The following CIDEC variants were observed in gnomAD, a reference collection of about 807,000 sequenced individuals.
CIDEC encodes lipid transferase CIDEC.
Under a neutral mutation model 21.9 loss-of-function variants are expected in CIDEC, and 11 were observed. That is an observed-to-expected ratio of 0.50 (90% CI 0.32 to 0.83). CIDEC has a LOEUF of 0.83. Ranked by LOEUF, CIDEC falls within the 40% of genes least tolerant of loss-of-function variation. The probability of loss-of-function intolerance (pLI) is 0.04; values close to 1 mark genes in which losing one functional copy is unlikely to be tolerated. For synonymous variants in CIDEC, 127 were observed against 124.9 expected, an observed-to-expected ratio of 1.02 and a Z score of -0.11; for missense variants, 302 against 302.3, an observed-to-expected ratio of 1.00 and a Z score of 0.01.
At chr3:9,872,913 C>T (rs111300082) in intron 4 of CIDEC, among the ~76,000 whole-genome samples, 1 of 152,058 alleles carries the variant, frequency 6.6e-6, no homozygotes, top group African/African-American at 2.4e-5. Context: ...TGCTTGAGCC[C>T]GCAAGGCAGA....
chr3:9,874,056 C>T (rs938821717), intron 4 of CIDEC, among the ~76,000 whole-genome samples: 1 of 152,004 alleles, frequency 6.6e-6, no homozygotes, highest in Non-Finnish European at 1.5e-5. Flanking sequence ...ACAAGATGAG[C>T]CTGTAATACC....
intron 4 of CIDEC, 119 bp downstream of exon 4, chr3:9,876,947 A>G (rs2082431916): frequency 4.9e-6 from 4 of 815,126 alleles, no homozygotes; most frequent in Non-Finnish European, 8.3e-6. Flanking sequence ...GGTGGGCATT[A>G]CCATCTGTAG....
At chr3:9,867,360 C>A in intron 6 of CIDEC, 64 bp from the exon 7 acceptor site, 5 of 1,570,918 alleles carry the variant, frequency 3.2e-6, no homozygotes, top group Non-Finnish European at 4.3e-6. Context: ...GCGTTCACGC[C>A]TGTAATCCTA....
intron 4 of CIDEC, among the ~76,000 whole-genome samples, chr3:9,876,618 G>A (rs533422469): frequency 1.3e-5 from 2 of 152,170 alleles, no homozygotes; most frequent in African/African-American, 4.8e-5. Flanking sequence ...TTAGCTGGGT[G>A]TGGTGGTGTG....
intron 2 of CIDEC, 113 bp from the exon 3 acceptor site, chr3:9,878,624 T>C (rs2082462499): frequency 8.0e-7 from 1 of 1,251,366 alleles, no homozygotes; most frequent in Non-Finnish European, 1.1e-6. Flanking sequence ...TCCCTATTCT[T>C]CTATCCCAAC....
In CIDEC at chr3:9,877,174, C is replaced by T. The variant is rs1271361642; in HGVS notation, c.99G>A (p.Ser33=). Residue 33 remains serine (S), a synonymous_variant, in exon 4 of 7, where the codon TCG becomes TCA. Coordinates refer to ENST00000336832, the MANE Select transcript of CIDEC (RefSeq NM_001321142.2). The part of the protein sequence containing the change: ...RTSVVTQQLL[S]EPSPKAPRAR... The stretch of plus-strand genomic sequence containing the variant: ...CCCTGGGGGCCTTGGGGCTGGGCTC[C>T]GACAGCAGCTGCTGGGTCACCACAG... 7.7e-6 allele frequency: 12 copies of T among 1,551,082 alleles called. No homozygotes were observed. In the Admixed American group the frequency reaches 9.8e-5, roughly 13 times the overall value.
chr3:9,877,518 G>C (rs984400612), intron 3 of CIDEC, among the ~76,000 whole-genome samples: 1 of 152,168 alleles, frequency 6.6e-6, no homozygotes, highest in African/African-American at 2.4e-5. Flanking sequence ...AGATTAGCCA[G>C]TGTGGTGGCA....
In CIDEC at chr3:9,867,097, G is replaced by A; in HGVS notation, c.*37C>T. The A allele has an allele frequency of 1.9e-6, 3 of 1,604,808 alleles. No individual in the cohort carries two copies. Among genetic ancestry groups the A allele is most frequent in the Non-Finnish European group, 1.7e-6 (2 of 1,173,066 alleles). On this transcript the variant is annotated 3_prime_UTR_variant, in exon 7 of 7. Transcript: ENST00000336832. The stretch of plus-strand genomic sequence containing the variant: ...CAGTTAAGCGTGAGGCCCCCAGTCA[G>A]TCCTTCACTGGGGAAAGCTTCCAAG...
intron 4 of CIDEC, among the ~76,000 whole-genome samples, chr3:9,873,330 G>A (rs1327773907): frequency 2.6e-5 from 4 of 152,196 alleles, no homozygotes; most frequent in Non-Finnish European, 4.4e-5. Flanking sequence ...ATGTCATGAC[G>A]GCCGGGTGCA....
intron 6 of CIDEC, among the ~76,000 whole-genome samples, 180 bp downstream of exon 6, chr3:9,869,702 C>T (rs565255157): frequency 1.7e-4 from 26 of 152,212 alleles, no homozygotes; most frequent in Non-Finnish European, 2.6e-4. Context: ...CCTGGGCACA[C>T]GCCGGTGTCG....
At chr3:9,872,800 C>T (rs2125046564) in intron 4 of CIDEC, among the ~76,000 whole-genome samples, 1 of 152,104 alleles carries the variant, frequency 6.6e-6, no homozygotes, top group East Asian at 1.9e-4. Flanking sequence ...CCAGCCTAGC[C>T]AACATGGTGA....
chr3:9,877,700 G>A (rs2082446605), intron 3 of CIDEC, among the ~76,000 whole-genome samples: 2 of 152,126 alleles, frequency 1.3e-5, no homozygotes, highest in African/African-American at 2.4e-5. Flanking sequence ...AAGCCTGCTA[G>A]AGCAGTGCAT....
rs775474059 is a variant in CIDEC, at chr3:9,878,467, G to A, written c.20C>T (p.Ser7Phe). 2 of 1,614,024 alleles carry A rather than the reference G, an allele frequency of 1.2e-6. No homozygotes were observed. The highest frequency in any genetic ancestry group is 1.7e-6 in the Non-Finnish European group (2 of 1,179,900). The change falls in exon 3 of 7, where the codon TCC becomes TTC. Residue 7 changes from serine to phenylalanine, a missense_variant. Physicochemically the swap from Ser to Phe is radical, Grantham distance 155. Coordinates refer to ENST00000336832, the MANE Select transcript of CIDEC (RefSeq NM_001321142.2). The stretch of plus-strand genomic sequence containing the variant: ...GGACTTGGGGTAGAGAAGGCTAAGG[G>A]ACTTCATGGCGTATTCCATCCTTGT... Reference protein sequence around the residue: MEYAMKSLSLLYPKSLS... With the variant: MEYAMKFLSLLYPKSLS...
chr3:9,878,402 T>C, intron 3 of CIDEC, 32 bp downstream of exon 3: 5 of 1,528,202 alleles, frequency 3.3e-6, no homozygotes, highest in East Asian at 4.5e-5. Context: ...CATAGGTGGC[T>C]CTCTTTCCAT....
At chr3:9,877,983 A>G (rs989101710) in intron 3 of CIDEC, 1 of 176,306 alleles carries the variant, frequency 5.7e-6, no homozygotes, top group African/African-American at 2.4e-5. Flanking sequence ...GTATTTTTTT[A>G]ACTGAAGCAC....
Position 9,870,413 on chromosome 3 carries a change from G to A in CIDEC, c.208-91C>T, listed in dbSNP as rs73118319. The A allele has an allele frequency of 6.8e-3, 10,766 of 1,588,442 alleles. 313 individuals carry two copies. Among genetic ancestry groups the A allele is most frequent in the South Asian group, 0.06 (5,431 of 89,876 alleles). ...AACTGGAGCCCAGGCCCTCTGCTGTGGAATCACTACCCAGAGACTTTATCA... is the reference window on the plus strand; with the variant it reads ...AACTGGAGCCCAGGCCCTCTGCTGTAGAATCACTACCCAGAGACTTTATCA... On this transcript the variant is annotated intron_variant, in intron 4 of 6. Coordinates refer to ENST00000336832, the MANE Select transcript of CIDEC (RefSeq NM_001321142.2).
Position 9,867,124 on chromosome 3 carries a change from A to G in CIDEC, c.*10T>C, listed in dbSNP as rs746403577. 63 of 1,612,686 alleles carry G rather than the reference A, an allele frequency of 3.9e-5. No individual in the cohort carries two copies. The highest frequency in any genetic ancestry group is 1.5e-4 in the Admixed American group (9 of 60,006). The stretch of plus-strand genomic sequence containing the variant: ...CCTTCACTGGGGAAAGCTTCCAAGG[A>G]CTTGGGCTTTCACTGCAGTATCTTC... On this transcript the variant is annotated 3_prime_UTR_variant, in exon 7 of 7. Coordinates refer to ENST00000336832, the MANE Select transcript of CIDEC (RefSeq NM_001321142.2).
In CIDEC at chr3:9,878,034, C is replaced by T. The variant is rs372098782; in HGVS notation, c.53+400G>A. On this transcript the variant is annotated intron_variant, in intron 3 of 6. Coordinates refer to ENST00000336832, the MANE Select transcript of CIDEC (RefSeq NM_001321142.2). ...AGGAAAGGAAAGGACCTGGATTTTA[C>T]AGTCAGGCAGTCCCAATTTAGAATC... The T allele has an allele frequency of 1.7e-3, 352 of 204,764 alleles. 5 individuals carry two copies. In the South Asian group the frequency reaches 0.027, roughly 16 times the overall value. The allele number at this position is 204,764 out of a possible 1,614,324, so 12.7% of individuals were successfully genotyped here. A position where few individuals can be genotyped will look rare whatever the true frequency, so the allele number is the denominator to read the frequency against.
intron 2 of CIDEC, 64 bp downstream of exon 2, chr3:9,878,878 G>T: frequency 1.4e-6 from 2 of 1,456,470 alleles, no homozygotes; most frequent in Non-Finnish European, 9.3e-7. Flanking sequence ...TGGGGACAGA[G>T]TCCACTTTAC....
Sources: gnomAD v4.1 joint callset for allele counts (sites outside exome capture counted in the v4.1 genomes callset) on GRCh38, gnomAD v4.1.1 for gene constraint, MANE v1.5 for transcripts, NCBI Gene and HGNC (gene_info 2026-07-23, HGNC 2026-07-21) for gene names.